HDAC9: variants seen among roughly 807,000 people sequenced by gnomAD.
HDAC9 encodes histone deacetylase 9, also known as MEF-2 interacting transcription repressor (MITR) protein.
Under a neutral mutation model 139.4 loss-of-function variants are expected in HDAC9, and 41 were observed. The ratio of observed to expected loss-of-function variants is 0.29; its 90% confidence interval spans 0.23 to 0.38. HDAC9 has a LOEUF of 0.38. Among genes scored for constraint, HDAC9 ranks in the 10% least tolerant of loss-of-function variants. The pLI is 1.00. For missense variants in HDAC9, 1,147 were observed against 1,297.0 expected (o/e 0.88, Z 1.78); for synonymous variants, 517 against 476.2 (o/e 1.09, Z -1.12).
chr7:18,681,205 C>T (rs1218031218), intron 12 of HDAC9, among the ~76,000 whole-genome samples: 1 of 151,838 alleles, frequency 6.6e-6, no homozygotes, highest in Non-Finnish European at 1.5e-5. Flanking sequence ...TGCCAAATCT[C>T]GAAATCTTTC....
chr7:18,775,146 G>A (rs1468370231), intron 16 of HDAC9, among the ~76,000 whole-genome samples: 4 of 151,950 alleles, frequency 2.6e-5, no homozygotes, highest in African/African-American at 4.8e-5. Context: ...ATATGGGCAC[G>A]ATTCATGGTG....
intron 2 of HDAC9, among the ~76,000 whole-genome samples, chr7:18,268,416 A>G (rs556121956): frequency 7.2e-4 from 110 of 152,022 alleles, no homozygotes; most frequent in Non-Finnish European, 1.4e-3. Flanking sequence ...ATTTTACTTT[A>G]TGGGCATAAG....
At chr7:18,414,730 G>A (rs1026975168) in intron 1 of HDAC9, among the ~76,000 whole-genome samples, 2 of 152,134 alleles carry the variant, frequency 1.3e-5, no homozygotes, top group East Asian at 3.8e-4. Context: ...GTAATGGTAG[G>A]CACAAACGCT....
intron 12 of HDAC9, among the ~76,000 whole-genome samples, chr7:18,674,835 AT>A (rs1682843332): frequency 6.6e-6 from 1 of 151,902 alleles, no homozygotes; most frequent in African/African-American, 2.4e-5. Flanking sequence ...ACTATTTTTC[AT>A]TTTCAGCCCA....
intron 17 of HDAC9, among the ~76,000 whole-genome samples, chr7:18,814,141 C>T (rs532225925): frequency 4.6e-5 from 7 of 152,278 alleles, no homozygotes; most frequent in South Asian, 2.1e-4. Flanking sequence ...CATCACTCCC[C>T]GCTCTAAACC....
At chr7:18,286,587 A>G (rs1032383181), upstream of HDAC9, among the ~76,000 whole-genome samples, 3 of 151,768 alleles carry the variant, frequency 2.0e-5, no homozygotes, top group African/African-American at 7.3e-5. Flanking sequence ...ATCAGTTTTT[A>G]TAGGAATAAA....
chr7:18,117,057 A>T (rs953146382), intron 1 of HDAC9, among the ~76,000 whole-genome samples: 1 of 152,220 alleles, frequency 6.6e-6, no homozygotes, highest in Admixed American at 6.5e-5. Context: ...ACCAAACCGC[A>T]ACATTATAAA....
At chr7:18,248,020 A>C (rs1473321742) in intron 2 of HDAC9, among the ~76,000 whole-genome samples, 1 of 152,184 alleles carries the variant, frequency 6.6e-6, no homozygotes, top group Non-Finnish European at 1.5e-5. Flanking sequence ...TTTTCCTCCT[A>C]GTTTCTTGGA....
At chr7:18,995,651 T>C (rs1392465919) in intron 25 of HDAC9, among the ~76,000 whole-genome samples, 1 of 152,170 alleles carries the variant, frequency 6.6e-6, no homozygotes, top group Non-Finnish European at 1.5e-5. Flanking sequence ...GGTCCTTTGC[T>C]CTCATTAGCA....
intron 1 of HDAC9, among the ~76,000 whole-genome samples, chr7:18,481,344 C>T (rs1795533385): frequency 6.6e-6 from 1 of 152,080 alleles, no homozygotes. Flanking sequence ...CTCTGGAACG[C>T]AATTATTGTG....
chr7:18,087,842 C>G (rs1289444194), intron 1 of HDAC9: 1 of 152,410 alleles, frequency 6.6e-6, no homozygotes, highest in East Asian at 1.9e-4. Flanking sequence ...GCCTAGCAGG[C>G]TGCGTTTGTT....
intron 2 of HDAC9, among the ~76,000 whole-genome samples, chr7:18,547,857 T>TTCCTTCCTTCCTTCCCTCCC (rs1563229989): frequency 7.6e-5 from 9 of 118,498 alleles, no homozygotes; most frequent in African/African-American, 3.5e-4. Flanking sequence ...CCTTCCTTCC[T>TTCCTTCCTTCCTTCCCTCCC]ACCCTCCCTC....
chr7:18,945,040 C>T (rs1475016144), intron 23 of HDAC9, among the ~76,000 whole-genome samples: 4 of 152,010 alleles, frequency 2.6e-5, no homozygotes, highest in Admixed American at 6.6e-5. Flanking sequence ...GCACTTGTAC[C>T]GACATTTTTG....
intron 1 of HDAC9, among the ~76,000 whole-genome samples, chr7:18,291,458 A>T (rs907565778): frequency 6.6e-6 from 1 of 152,084 alleles, no homozygotes; most frequent in Non-Finnish European, 1.5e-5. Flanking sequence ...AGCATGAGGG[A>T]TGATGAACCA....
intron 17 of HDAC9, among the ~76,000 whole-genome samples, chr7:18,817,434 A>T (rs1352166913): frequency 6.6e-6 from 1 of 152,196 alleles, no homozygotes; most frequent in African/African-American, 2.4e-5. Flanking sequence ...GGTTCAACCA[A>T]TAACACAAAT....
intron 1 of HDAC9, chr7:18,151,696 T>C (rs1010145114): frequency 1.3e-5 from 2 of 152,206 alleles, no homozygotes; most frequent in Admixed American, 6.5e-5. Context: ...TGTGAAGCTG[T>C]CTGTATAAAA....
intron 9 of HDAC9, among the ~76,000 whole-genome samples, chr7:18,647,486 A>C (rs1238785386): frequency 6.6e-6 from 1 of 152,116 alleles, no homozygotes; most frequent in Admixed American, 6.6e-5. Flanking sequence ...AGATCTCTTG[A>C]ATTTATTCTT....
intron 1 of HDAC9, among the ~76,000 whole-genome samples, chr7:18,348,846 A>G (rs2128670769): frequency 6.6e-6 from 1 of 152,260 alleles, no homozygotes; most frequent in Middle Eastern, 3.4e-3. Flanking sequence ...ACAGTCCTGG[A>G]TGCTGCTTGT....
At chr7:18,647,756 A>T in intron 9 of HDAC9, 29 bp from the exon 10 acceptor site, 1 of 1,562,960 alleles carries the variant, frequency 6.4e-7, no homozygotes, top group Non-Finnish European at 8.7e-7. Context: ...ATGAAAGAGG[A>T]TTAACATCTT....
Sources: allele counts gnomAD v4.1 joint callset (sites outside exome capture counted in the v4.1 genomes callset), GRCh38; gene constraint gnomAD v4.1.1; transcripts MANE v1.5; gene names NCBI Gene and HGNC (gene_info 2026-07-23, HGNC 2026-07-21).